MYH2: variants seen among roughly 807,000 people sequenced by gnomAD.
The protein encoded by MYH2 is myosin-2.
Under a neutral mutation model 228.1 loss-of-function variants are expected in MYH2, and 139 were observed. That is an observed-to-expected ratio of 0.61 (90% confidence interval 0.53 to 0.70). The LOEUF is 0.70. Ranked by LOEUF, MYH2 falls within the 30% of genes least tolerant of loss-of-function variation. The pLI is 0.00. For missense variants in MYH2, 1,809 were observed against 2,357.5 expected, an observed-to-expected ratio of 0.77 and a Z score of 4.82; for synonymous variants, 796 against 871.1, an observed-to-expected ratio of 0.91 and a Z score of 1.52.
Position 10,533,515 on chromosome 17 carries a change from G to A in MYH2, c.2298C>T (p.His766=), listed in dbSNP as rs1443233277. 2.5e-6 allele frequency: 4 copies of A among 1,614,076 alleles called. No homozygotes were observed. The African/African-American group carries it at 5.3e-5, about 22-fold the overall frequency. Residue 766 remains histidine, a synonymous_variant, in exon 20 of 40, where the codon CAC becomes CAT. Transcript: ENST00000245503. ...AGGATTTACAGAAAATTACCTTGGT[G>A]TGCCCAAATTTATACTGGGTGTGGT... ...DIDHTQYKFG[H]TKVFFKAGLL...
At chr17:10,522,286 A>T (rs986995173) in intron 39 of MYH2, among the ~76,000 whole-genome samples, 1 of 152,056 alleles carries the variant, frequency 6.6e-6, no homozygotes, top group African/African-American at 2.4e-5. Context: ...AAAATCATCA[A>T]TTTTTTTCAG....
At chr17:10,521,598 T>TAC (rs936867860) in intron 39 of MYH2, among the ~76,000 whole-genome samples, 166 bp from the exon 40 acceptor site, 6 of 151,150 alleles carry the variant, frequency 4.0e-5, no homozygotes, top group African/African-American at 1.5e-4. Flanking sequence ...TATATATATA[T>TAC]ATACACACAC....
At position 10,523,796 on chromosome 17, in the gene MYH2, C is replaced by A. The variant is rs144414607; in HGVS notation, c.5264G>T (p.Arg1755Leu). 6.2e-7 allele frequency: 1 copy of A among 1,614,160 alleles called. No homozygotes were observed. Residue 1755 changes from arginine to leucine, a missense_variant, in exon 36 of 40, where the codon CGC (arginine) becomes CTC (leucine). By Grantham distance (102) the Arg-to-Leu change is moderately radical. Transcript: ENST00000245503. ...CTTCTTGGCCTTTTCTTCTGCATTG[C>A]GGGCTTCCTGGAGAATGTCCTCCAT... ...GEMEDILQEA[R>L]NAEEKAKKAI...
Position 10,537,354 on chromosome 17 carries a change from G to A in MYH2, c.1776C>T (p.Asn592=), listed in dbSNP as rs763994556. ...TGTTCTTCTCCAGCCAGCCAGTAATGTTGTAGTCCACAACACCAGCATAGT... is the reference window on the plus strand; with the variant it reads ...TGTTCTTCTCCAGCCAGCCAGTAATATTGTAGTCCACAACACCAGCATAGT... ...LIHYAGVVDY[N]ITGWLEKNKD... is the part of the protein sequence containing the mutation. Residue 592 remains asparagine (N), a synonymous_variant, in exon 16 of 40, where the codon AAC becomes AAT. Transcript: ENST00000245503. The surrounding 1 kb of genome is among the most constrained non-coding windows in gnomAD (Gnocchi z 4.0). The A allele has an allele frequency of 6.2e-6, 10 of 1,614,238 alleles. No homozygotes were observed. In the South Asian group the frequency reaches 8.8e-5, roughly 14 times the overall value.
chr17:10,535,816 A>G (rs372605592), intron 17 of MYH2, among the ~76,000 whole-genome samples: 1 of 152,228 alleles, frequency 6.6e-6, no homozygotes, highest in Non-Finnish European at 1.5e-5. Flanking sequence ...TAGGGGATAG[A>G]GATTATCTAC....
At chr17:10,544,604 GA>G (rs1428350800) in intron 5 of MYH2, among the ~76,000 whole-genome samples, 1 of 152,192 alleles carries the variant, frequency 6.6e-6, no homozygotes, top group Non-Finnish European at 1.5e-5. Context: ...TTTAATGTGT[GA>G]AAAGGAGTAA....
chr17:10,543,188 CT>C lies in MYH2; in HGVS notation c.742-28del, dbSNP rs563412255. The C allele has an allele frequency of 8.1e-4, 1,233 of 1,513,076 alleles. 1 individual carries two copies. Among genetic ancestry groups the C allele is most frequent in the Non-Finnish European group, 8.6e-4 (942 of 1,096,780 alleles). 93.7% of individuals were successfully genotyped at this position (1,513,076 alleles called of 1,614,324 possible). A position where few individuals can be genotyped will look rare whatever the true frequency, so the allele number is the denominator to read the frequency against. On this transcript the variant is annotated intron_variant, in intron 8 of 39. Coordinates refer to ENST00000245503, the MANE Select transcript of MYH2 (RefSeq NM_017534.6). The stretch of plus-strand genomic sequence containing the variant: ...TTGAAATAAAAGCTAATATTACTAC[CT>C]TTTTTTTATATAATATTAAATCTTT...
chr17:10,546,288 T>TAC (rs2073631090), intron 4 of MYH2, among the ~76,000 whole-genome samples: 3 of 136,958 alleles, frequency 2.2e-5, no homozygotes, highest in South Asian at 2.4e-4. Flanking sequence ...TATATATATA[T>TAC]ACATCATGAT....
At chr17:10,527,706 A>G in intron 28 of MYH2, 42 bp downstream of exon 28, 1 of 1,613,262 alleles carries the variant, frequency 6.2e-7, no homozygotes. Flanking sequence ...TCTTAATCAC[A>G]TCCTCTCCAC....
In MYH2 at chr17:10,529,245, A is replaced by G; in HGVS notation, c.3271T>C (p.Phe1091Leu). The G allele has an allele frequency of 6.2e-7, 1 of 1,614,144 alleles. No individual in the cohort carries two copies. Among genetic ancestry groups the G allele is most frequent in the Non-Finnish European group, 8.5e-7 (1 of 1,180,016 alleles). The part of the protein sequence containing the change: ...QLDEKLKKKE[F>L]EISNLQSKIE... ...TTGCTTTGCAGATTGCTGATTTCAAACTCTTTCCTTTTAGAAAAGTAGCAA... is the reference window on the plus strand; with the variant it reads ...TTGCTTTGCAGATTGCTGATTTCAAGCTCTTTCCTTTTAGAAAAGTAGCAA... Residue 1091 changes from phenylalanine (F) to leucine (L), a missense_variant, in exon 26 of 40, where the codon TTT becomes CTT. By Grantham distance (22) the Phe-to-Leu change is conservative. Around this residue, in one of 9 missense-constraint regions of MYH2, gnomAD observed 636 missense variants for 729.9 expected, o/e 0.87. Coordinates refer to ENST00000245503, the MANE Select transcript of MYH2 (RefSeq NM_017534.6).
chr17:10,533,006 G>A (rs1416425925), intron 21 of MYH2, among the ~76,000 whole-genome samples: 2 of 152,118 alleles, frequency 1.3e-5, no homozygotes, highest in African/African-American at 4.8e-5. Context: ...TTAGAAACAG[G>A]TGCTAGGGCA....
intron 2 of MYH2, 69 bp from the exon 3 acceptor site, chr17:10,548,009 A>G: frequency 1.5e-6 from 2 of 1,331,766 alleles, no homozygotes; most frequent in Non-Finnish European, 2.1e-6. Flanking sequence ...CTTAATATTT[A>G]TTGTATTTCA....
At position 10,545,447 on chromosome 17, in the gene MYH2, T is replaced by C. The variant is rs1198582622; in HGVS notation, c.404A>G (p.Tyr135Cys). ...GTAGGCTGTCACCACCTCGGGCTTA[T>C]ACACAGGCAGCCACTTGTAGGGGTT... ...TVNPYKWLPV[Y>C]KPEVVTAYRG... The change falls in exon 5 of 40, where the codon TAT (tyrosine) becomes TGT (cysteine). Residue 135 changes from tyrosine (Y) to cysteine (C), a missense_variant. Physicochemically the swap from Tyr to Cys is radical, Grantham distance 194 (BLOSUM62 -2). Around this residue, in one of 9 missense-constraint regions of MYH2, gnomAD observed 373 missense variants for 620.4 expected, o/e 0.60. Transcript: ENST00000245503. 2 of 1,614,108 alleles carry C rather than the reference T, an allele frequency of 1.2e-6. No individual in the cohort carries two copies. Among genetic ancestry groups the C allele is most frequent in the Non-Finnish European group, 1.7e-6 (2 of 1,180,048 alleles).
At position 10,524,499 on chromosome 17, in the gene MYH2, A is replaced by C. The variant is rs777543095; in HGVS notation, c.5142T>G (p.Asp1714Glu). The C allele has an allele frequency of 3.1e-6, 5 of 1,614,188 alleles. No individual in the cohort carries two copies. The highest frequency in any genetic ancestry group is 4.2e-6 in the Non-Finnish European group (5 of 1,180,034). ...SRKIAEQELLDASERVQLLHT... is the reference protein window; with the variant it reads ...SRKIAEQELLEASERVQLLHT... ...GCAGTAGCTGAACACGCTCACTGGCATCCAGGAGCTCCTGTTCTGCGATTT... is the reference window on the plus strand; with the variant it reads ...GCAGTAGCTGAACACGCTCACTGGCCTCCAGGAGCTCCTGTTCTGCGATTT... Residue 1714 changes from aspartate (D) to glutamate (E), a missense_variant, in exon 35 of 40, where the codon GAT (aspartate) becomes GAG (glutamate). Transcript: ENST00000245503. The surrounding 1 kb of genome is among the most constrained non-coding windows in gnomAD (Gnocchi z 4.7).
intron 4 of MYH2, among the ~76,000 whole-genome samples, chr17:10,546,390 C>G (rs1328541161): frequency 6.6e-6 from 1 of 150,644 alleles, no homozygotes; most frequent in South Asian, 2.1e-4. Flanking sequence ...TCTAGGTACA[C>G]TTGTATAGGT....
At chr17:10,547,125 A>G (rs904985470) in intron 4 of MYH2, among the ~76,000 whole-genome samples, 3 of 152,288 alleles carry the variant, frequency 2.0e-5, no homozygotes. Flanking sequence ...GTGTTAAAAC[A>G]TGTTTATCTT....
At chr17:10,536,471 A>AT in intron 17 of MYH2, 59 bp downstream of exon 17, 1 of 1,398,306 alleles carries the variant, frequency 7.2e-7, no homozygotes, top group Non-Finnish European at 1.0e-6. Flanking sequence ...AGAAAAACAG[A>AT]CCCATGTAAA....
chr17:10,547,497 C>T lies in MYH2; in HGVS notation c.326G>A (p.Arg109His), dbSNP rs1468175087. ...EPAVLYNLKERYAAWMIYTYS... is the reference protein window; with the variant it reads ...EPAVLYNLKEHYAAWMIYTYS... The stretch of plus-strand genomic sequence containing the variant: ...CACGTAGATCATCCAGGCTGCATAA[C>T]GTTCTTTGAGGTTGTACAGCACAGC... Residue 109 changes from arginine (R) to histidine (H), a missense_variant, in exon 4 of 40, where the codon CGT (arginine) becomes CAT (histidine). Around this residue, in one of 9 missense-constraint regions of MYH2, gnomAD observed 373 missense variants for 620.4 expected, o/e 0.60. Transcript: ENST00000245503. 9 of 1,613,970 alleles carry T rather than the reference C, an allele frequency of 5.6e-6. No homozygotes were observed. The highest frequency in any genetic ancestry group is 4.0e-5 in the African/African-American group (3 of 74,890).
intron 28 of MYH2, 107 bp from the exon 29 acceptor site, chr17:10,527,163 A>T: frequency 1.0e-6 from 1 of 979,014 alleles, no homozygotes; most frequent in East Asian, 2.4e-5. Flanking sequence ...GAGTGCTCAG[A>T]TGGTTGAATT....
Sources: gnomAD v4.1 joint callset for allele counts (sites outside exome capture counted in the v4.1 genomes callset) on GRCh38, gnomAD v4.1.1 for gene constraint, gnomAD v4.1.1 regional missense constraint, Gnocchi (gnomAD v3.1) non-coding constraint, MANE v1.5 for transcripts, NCBI Gene and HGNC (gene_info 2026-07-23, HGNC 2026-07-21) for gene names.